SBNO2: variants seen among roughly 807,000 people sequenced by gnomAD.
The protein encoded by SBNO2 is protein strawberry notch homolog 2.
In SBNO2, 89 loss-of-function variants were observed where a neutral mutation model predicts 146.3. The observed-to-expected ratio is 0.61, with a 90% CI of 0.51 to 0.73. The LOEUF is 0.73. Ranked by LOEUF, SBNO2 falls within the 30% of genes least tolerant of loss-of-function variation. The probability of loss-of-function intolerance (pLI) is 0.00; values close to 1 mark genes in which losing one functional copy is unlikely to be tolerated. For synonymous variants in SBNO2, 1,147 were observed against 892.6 expected (o/e 1.29, Z -5.08); for missense variants, 2,092 against 2,003.7 (o/e 1.04, Z -0.84).
chr19:1,123,269 G>A, intron 7 of SBNO2, among the ~76,000 whole-genome samples: 1 of 152,058 alleles, frequency 6.6e-6, no homozygotes, highest in East Asian at 1.9e-4. Context: ...CTGCTGGGTT[G>A]GTTGGGGGCG....
rs995428146 is a variant in SBNO2 at position 1,136,209 on chromosome 19, T to A, written c.280-8444A>T. ...AAGGAGCGCGGCCCTGTCCGCACCT[T>A]GACTTTGGACTTCCAGGCTCCAGGG... On this transcript the variant is annotated intron_variant, in intron 4 of 31. Coordinates refer to ENST00000361757, the MANE Select transcript of SBNO2 (RefSeq NM_014963.3). This position sits in a 1 kb window ranked among gnomAD's most constrained non-coding sequence, Gnocchi z 4.2. 1.3e-5 allele frequency among the ~76,000 whole-genome samples: 2 copies of A among 152,116 alleles called. No homozygotes were observed. The highest frequency in any genetic ancestry group is 4.8e-5 in the African/African-American group (2 of 41,432).
intron 3 of SBNO2, among the ~76,000 whole-genome samples, chr19:1,147,908 A>G (rs1050805471): frequency 4.6e-5 from 7 of 152,232 alleles, no homozygotes; most frequent in African/African-American, 1.7e-4. Context: ...CACCCTGAGG[A>G]TGGCAAAGGA....
chr19:1,119,401 A>G, intron 13 of SBNO2, 115 bp downstream of exon 13: 1 of 933,276 alleles, frequency 1.1e-6, no homozygotes, highest in South Asian at 1.6e-5. Flanking sequence ...ACCCACATTC[A>G]GCACCTCTGG....
chr19:1,134,477 C>T (rs2080067852), intron 4 of SBNO2, among the ~76,000 whole-genome samples: 1 of 144,340 alleles, frequency 6.9e-6, no homozygotes, highest in Non-Finnish European at 1.5e-5. Flanking sequence ...AGGAGCAAGG[C>T]TCTGACCCAA....
intron 1 of SBNO2, among the ~76,000 whole-genome samples, chr19:1,162,717 A>G (rs989413244): frequency 2.6e-5 from 4 of 152,168 alleles, no homozygotes; most frequent in African/African-American, 9.7e-5. Context: ...AGCTCCCCAG[A>G]GCTGGTCTAG....
At chr19:1,145,699 AC>A (rs1198742435) in intron 4 of SBNO2, among the ~76,000 whole-genome samples, 2 of 152,176 alleles carry the variant, frequency 1.3e-5, no homozygotes, top group Middle Eastern at 3.4e-3. Context: ...CCAGCTCTGG[AC>A]AGGCGCCTCC....
chr19:1,130,736 G>A, intron 4 of SBNO2, among the ~76,000 whole-genome samples: 1 of 152,110 alleles, frequency 6.6e-6, no homozygotes, highest in Non-Finnish European at 1.5e-5. Context: ...AGGTTGCAGG[G>A]AGCCGAGATC....
rs1304099188 is a variant in SBNO2, at chr19:1,109,192, T to C, written c.3368A>G (p.Lys1123Arg). Residue 1123 changes from lysine (K) to arginine (R), a missense_variant, in exon 30 of 32, where the codon AAG becomes AGG. Physicochemically the swap from Lys to Arg is conservative, Grantham distance 26 (BLOSUM62 2). Coordinates refer to ENST00000361757, the MANE Select transcript of SBNO2 (RefSeq NM_014963.3). This position sits in a 1 kb window ranked among gnomAD's most constrained non-coding sequence, Gnocchi z 4.2. Reference protein sequence around the residue: ...KFHRVTAEEAKEPWESGYALS... With the variant: ...KFHRVTAEEAREPWESGYALS... ...AGCGTAGCCACTCTCCCAGGGCTCC[T>C]TGGCCTCCTCCGCGGTGACCTAGGG... 6.4e-6 allele frequency: 10 copies of C among 1,563,704 alleles called. No individual in the cohort carries two copies. In the Admixed American group the frequency reaches 7.7e-5, roughly 12 times the overall value.
At position 1,122,734 on chromosome 19, in the gene SBNO2, C is replaced by T. The variant is rs1351301639; in HGVS notation, c.838G>A (p.Ala280Thr). 1 of 1,537,150 alleles carries T rather than the reference C, an allele frequency of 6.5e-7. No homozygotes were observed. The highest frequency in any genetic ancestry group is 8.7e-7 in the Non-Finnish European group (1 of 1,146,504). The stretch of plus-strand genomic sequence containing the variant: ...ACCGTCCGGCCTTTGCCCACGCCGG[C>T]CCCATCGCCGATGAGAAAGCCCGCG... ...QRAGFLIGDG[A>T]GVGKGRTVAG... Residue 280 changes from alanine (A) to threonine (T), a missense_variant, in exon 9 of 32, where the codon GCC (alanine) becomes ACC (threonine). By Grantham distance (58) the Ala-to-Thr change is moderately conservative (BLOSUM62 0). Transcript: ENST00000361757.
chr19:1,149,327 G>A, intron 3 of SBNO2, 42 bp downstream of exon 3: 3 of 1,518,240 alleles, frequency 2.0e-6, no homozygotes, highest in South Asian at 1.2e-5. Context: ...ACTTCAGAAT[G>A]AGCAAGCCTG....
In SBNO2 at chr19:1,111,010, G is replaced by T; in HGVS notation, c.2884+9C>A. ...GGAGCGCCTCTGGGCCTGGGTGTGG[G>T]GCACTCACCCTTCTCCACGTCCAGG... On this transcript the variant is annotated intron_variant, in intron 25 of 31. Coordinates refer to ENST00000361757, the MANE Select transcript of SBNO2 (RefSeq NM_014963.3). 6.3e-7 allele frequency: 1 copy of T among 1,594,402 alleles called. No homozygotes were observed. Among genetic ancestry groups the T allele is most frequent in the South Asian group, 1.1e-5 (1 of 88,644 alleles).
At chr19:1,123,147 C>CG (rs1227471274) in intron 7 of SBNO2, 102 bp from the exon 8 acceptor site, 1 of 1,382,220 alleles carries the variant, frequency 7.2e-7, no homozygotes, top group East Asian at 2.5e-5. Flanking sequence ...CCAGAGCTGG[C>CG]GGGGCAGTTT....
In SBNO2 at chr19:1,158,935, G is replaced by A. The variant is rs543680586; in HGVS notation, c.-126-4533C>T. Among the ~76,000 whole-genome samples, 76 of 142,562 alleles carry A rather than the reference G, an allele frequency of 5.3e-4. No individual in the cohort carries two copies. Among genetic ancestry groups the A allele is most frequent in the Middle Eastern group, 3.4e-3 (1 of 292 alleles). The allele number at this position is 142,562 out of a possible 152,430, so 93.5% of individuals were successfully genotyped here. A position where few individuals can be genotyped will look rare whatever the true frequency, so the allele number is the denominator to read the frequency against. On this transcript the variant is annotated intron_variant, in intron 1 of 31. Transcript: ENST00000361757. The surrounding 1 kb of genome is among the most constrained non-coding windows in gnomAD (Gnocchi z 9.9). Reference sequence around the variant, plus strand: ...TGCAGCCGTGACCCCACCTGCAGCCGCGACCCCACCTGCAGCCGTGACCCC... The same window carrying A: ...TGCAGCCGTGACCCCACCTGCAGCCACGACCCCACCTGCAGCCGTGACCCC...
In SBNO2 at chr19:1,136,173, G is replaced by A. The variant is rs2080083102; in HGVS notation, c.280-8408C>T. Among the ~76,000 whole-genome samples the A allele has an allele frequency of 6.6e-6, 1 of 152,156 alleles. No homozygotes were observed. The highest frequency in any genetic ancestry group is 2.4e-5 in the African/African-American group (1 of 41,452). On this transcript the variant is annotated intron_variant, in intron 4 of 31. Transcript: ENST00000361757. The surrounding 1 kb of genome is among the most constrained non-coding windows in gnomAD (Gnocchi z 4.2). Reference sequence around the variant, plus strand: ...GGGATGCCCGGATCCCCCAGATGCTGGAGGGGCCGGAAGGAGCGCGGCCCT... The same window carrying A: ...GGGATGCCCGGATCCCCCAGATGCTAGAGGGGCCGGAAGGAGCGCGGCCCT...
At position 1,122,190 on chromosome 19, in the gene SBNO2, G is replaced by A; in HGVS notation, c.1098C>T (p.Arg366=). 2.6e-6 allele frequency: 4 copies of A among 1,547,610 alleles called. No homozygotes were observed. In the South Asian group the frequency reaches 4.8e-5, roughly 19 times the overall value. ...AGTCCAGGATCTGCCGGAGGCGAGT[G>A]CGGTGCTGGCCGCCGGCCTGGCTCT... ...IGESQAGGQH[R]TRLRQILDWC... Residue 366 remains arginine, a synonymous_variant, in exon 11 of 32, where the codon CGC becomes CGT. Transcript: ENST00000361757.
intron 4 of SBNO2, among the ~76,000 whole-genome samples, chr19:1,131,355 C>T (rs892431369): frequency 1.4e-4 from 22 of 152,192 alleles, no homozygotes; most frequent in Admixed American, 8.5e-4. Context: ...CAGGGAGGGC[C>T]GGGGCTGCCC....
Position 1,113,524 on chromosome 19 carries a change from G to A in SBNO2, c.2247+11C>T, listed in dbSNP as rs112914802. On this transcript the variant is annotated intron_variant, in intron 19 of 31. Transcript: ENST00000361757. Reference sequence around the variant, plus strand: ...CCGCCCACCACACTCCAGCTGCCACGTCCCACCCACCTCCGCCACCCGCTG... The same window carrying A: ...CCGCCCACCACACTCCAGCTGCCACATCCCACCCACCTCCGCCACCCGCTG... 3.9e-4 allele frequency: 615 copies of A among 1,582,348 alleles called. 3 individuals are homozygous for A. The highest frequency in any genetic ancestry group is 3.3e-3 in the Middle Eastern group (17 of 5,120).
intron 16 of SBNO2, among the ~76,000 whole-genome samples, chr19:1,116,593 G>A (rs1344469130): frequency 6.6e-6 from 1 of 152,148 alleles, no homozygotes; most frequent in African/African-American, 2.4e-5. Context: ...GAGACCCCTG[G>A]AGACCATGTC....
At position 1,122,933 on chromosome 19, in the gene SBNO2, C is replaced by T; in HGVS notation, c.741G>A (p.Leu247=). 1 of 1,557,354 alleles carries T rather than the reference C, an allele frequency of 6.4e-7. No individual in the cohort carries two copies. Among genetic ancestry groups the T allele is most frequent in the Non-Finnish European group, 8.7e-7 (1 of 1,151,226 alleles). ...TLALPSDSGA[L]SALQLEAITY... ...TGATGGCCTCTAGCTGCAGGGCAGACAGGGCCCCGCTGTCCGAGGGCAGGG... is the reference window on the plus strand; with the variant it reads ...TGATGGCCTCTAGCTGCAGGGCAGATAGGGCCCCGCTGTCCGAGGGCAGGG... The change falls in exon 8 of 32, where the codon CTG becomes CTA. Residue 247 remains leucine, a synonymous_variant. Coordinates refer to ENST00000361757, the MANE Select transcript of SBNO2 (RefSeq NM_014963.3).
Sources: allele counts gnomAD v4.1 joint callset (sites outside exome capture counted in the v4.1 genomes callset), GRCh38; gene constraint gnomAD v4.1.1; non-coding constraint Gnocchi (gnomAD v3.1); transcripts MANE v1.5; gene names NCBI Gene and HGNC (gene_info 2026-07-23, HGNC 2026-07-21).